Variants in UTRN observed in about 807,000 individuals in gnomAD.
UTRN encodes dystrophin-related protein 1.
In UTRN, 283 loss-of-function variants were observed where a neutral mutation model predicts 463.9. That is an observed-to-expected ratio of 0.61 (90% CI 0.55 to 0.67). The LOEUF is 0.67. Among genes scored for constraint, UTRN ranks in the 30% least tolerant of loss-of-function variants. The pLI is 0.00. For synonymous variants in UTRN, 1,442 were observed against 1,431.5 expected (o/e 1.01, Z -0.17); for missense variants, 3,922 against 4,084.3 (o/e 0.96, Z 1.08).
At chr6:144,745,316 TATTA>T (rs1466935116) in intron 54 of UTRN, among the ~76,000 whole-genome samples, 1 of 152,150 alleles carries the variant, frequency 6.6e-6, no homozygotes, top group Non-Finnish European at 1.5e-5. Flanking sequence ...TGAATTTATT[TATTA>T]TTTATTTTAC....
chr6:144,692,196 T>C (rs1358064363), intron 52 of UTRN, among the ~76,000 whole-genome samples: 1 of 152,236 alleles, frequency 6.6e-6, no homozygotes, highest in African/African-American at 2.4e-5. Flanking sequence ...TCCAGCTTCA[T>C]CCCTGTTCCT....
rs529305203 is a variant in UTRN, at chr6:144,384,165, T to C, written c.80-18958T>C. 4.6e-5 allele frequency among the ~76,000 whole-genome samples: 7 copies of C among 152,306 alleles called. No individual in the cohort carries two copies. In the East Asian group the frequency reaches 1.4e-3, roughly 29 times the overall value. On this transcript the variant is annotated intron_variant, in intron 2 of 74. Transcript: ENST00000367545. ...ACCATCGTTCTCCTGAATTCTTTTC[T>C]TGTTGAAAAACTGAAAATATATACC...
intron 4 of UTRN, 131 bp downstream of exon 4, chr6:144,422,101 A>G (rs1176660703): frequency 5.9e-6 from 4 of 672,274 alleles, no homozygotes; most frequent in Non-Finnish European, 9.2e-6. Flanking sequence ...GAAATTCGGA[A>G]CATTTTTAAC....
intron 52 of UTRN, among the ~76,000 whole-genome samples, chr6:144,699,513 A>C (rs919741046): frequency 4.2e-5 from 5 of 120,326 alleles, no homozygotes; most frequent in African/African-American, 1.3e-4. Flanking sequence ...AAAGAAAAAT[A>C]CTATGAGTCT....
At chr6:144,498,889 T>G (rs1157562344) in intron 33 of UTRN, among the ~76,000 whole-genome samples, 1 of 152,084 alleles carries the variant, frequency 6.6e-6, no homozygotes, top group Non-Finnish European at 1.5e-5. Context: ...CCCAGGCTGG[T>G]CTTAAACTCT....
chr6:144,697,391 A>G (rs758756672), intron 52 of UTRN, among the ~76,000 whole-genome samples: 1 of 152,182 alleles, frequency 6.6e-6, no homozygotes, highest in Non-Finnish European at 1.5e-5. Context: ...TAATTGAGAA[A>G]GTACCACTAA....
Position 144,479,995 on chromosome 6 carries a change from C to G in UTRN, c.3507+13C>G, listed in dbSNP as rs759899715. The stretch of plus-strand genomic sequence containing the variant: ...GGAAGAGATGAAGGTGAGGCGGGGA[C>G]GACCAGTGCCAACAGGCTTCATGCC... On this transcript the variant is annotated intron_variant, in intron 26 of 74. Transcript: ENST00000367545. 6.2e-7 allele frequency: 1 copy of G among 1,611,414 alleles called. No homozygotes were observed. Among genetic ancestry groups the G allele is most frequent in the African/African-American group, 1.3e-5 (1 of 74,924 alleles).
intron 58 of UTRN, among the ~76,000 whole-genome samples, chr6:144,761,440 C>T (rs1792663792): frequency 6.6e-6 from 1 of 151,728 alleles, no homozygotes; most frequent in African/African-American, 2.4e-5. Flanking sequence ...GGATTGCTTG[C>T]CCCCAGGAGT....
chr6:144,416,021 A>G (rs946439401), intron 3 of UTRN, among the ~76,000 whole-genome samples: 4 of 151,930 alleles, frequency 2.6e-5, no homozygotes, highest in African/African-American at 7.2e-5. Flanking sequence ...GCAATTAATC[A>G]TATTCTGTAG....
chr6:144,793,118 TC>T (rs1452468165), intron 62 of UTRN, among the ~76,000 whole-genome samples: 1 of 152,166 alleles, frequency 6.6e-6, no homozygotes, highest in East Asian at 1.9e-4. Flanking sequence ...TTTTAGTGTT[TC>T]TTATATAAAA....
intron 2 of UTRN, among the ~76,000 whole-genome samples, chr6:144,366,456 T>C (rs1157074000): frequency 1.3e-5 from 2 of 152,206 alleles, no homozygotes; most frequent in African/African-American, 4.8e-5. Flanking sequence ...TGTGTCCATG[T>C]GTTTTCATCA....
chr6:144,613,108 AG>A (rs1437274205), intron 51 of UTRN, among the ~76,000 whole-genome samples: 1 of 152,102 alleles, frequency 6.6e-6, no homozygotes, highest in Non-Finnish European at 1.5e-5. Context: ...TCCTTTGTAA[AG>A]AATGATAAAT....
At chr6:144,699,796 A>G (rs914313653) in intron 52 of UTRN, among the ~76,000 whole-genome samples, 3 of 149,668 alleles carry the variant, frequency 2.0e-5, no homozygotes, top group African/African-American at 7.3e-5. Context: ...ATTATAGCCT[A>G]TTCAAAATAG....
intron 65 of UTRN, among the ~76,000 whole-genome samples, chr6:144,806,118 TATA>T (rs1386184194): frequency 2.0e-5 from 3 of 152,208 alleles, no homozygotes; most frequent in Non-Finnish European, 4.4e-5. Flanking sequence ...GTCTTGAACA[TATA>T]ATAATTCTTA....
chr6:144,734,315 T>C (rs1789118603), intron 54 of UTRN, among the ~76,000 whole-genome samples: 1 of 152,184 alleles, frequency 6.6e-6, no homozygotes, highest in Admixed American at 6.5e-5. Flanking sequence ...CTTGAGTCTA[T>C]AAAGAATAAC....
intron 18 of UTRN, among the ~76,000 whole-genome samples, chr6:144,451,744 T>C (rs1427992164): frequency 1.3e-5 from 2 of 152,176 alleles, no homozygotes; most frequent in East Asian, 1.9e-4. Flanking sequence ...ATACTTCTTA[T>C]GGTGATCCAG....
chr6:144,321,683 G>A (rs1361662922), intron 2 of UTRN, among the ~76,000 whole-genome samples: 1 of 151,568 alleles, frequency 6.6e-6, no homozygotes, highest in Non-Finnish European at 1.5e-5. Context: ...TGTTGGTCAG[G>A]CTGGTTTCGA....
intron 7 of UTRN, among the ~76,000 whole-genome samples, chr6:144,426,739 C>T (rs1785326123): frequency 6.6e-6 from 1 of 152,216 alleles, no homozygotes; most frequent in Non-Finnish European, 1.5e-5. Flanking sequence ...TTCAACCCCA[C>T]TCATTCAGCA....
intron 41 of UTRN, among the ~76,000 whole-genome samples, chr6:144,523,919 A>G (rs1314923218): frequency 6.6e-6 from 1 of 152,182 alleles, no homozygotes; most frequent in Non-Finnish European, 1.5e-5. Context: ...CCTTCTTACT[A>G]GATTTTGACC....
Sources: allele counts gnomAD v4.1 joint callset (sites outside exome capture counted in the v4.1 genomes callset), GRCh38; gene constraint gnomAD v4.1.1; transcripts MANE v1.5; gene names NCBI Gene and HGNC (gene_info 2026-07-23, HGNC 2026-07-21).